SAMD3: variants seen among roughly 807,000 people sequenced by gnomAD.
The protein encoded by SAMD3 is sterile alpha motif domain-containing protein 3.
Under a neutral mutation model 58.5 loss-of-function variants are expected in SAMD3, and 63 were observed. That is an observed-to-expected ratio of 1.08 (90% CI 0.88 to 1.33). The LOEUF (loss-of-function observed/expected upper bound fraction) is 1.33, where lower values mean the gene tolerates loss of function less well. SAMD3 is among the 40% of genes most tolerant of loss of function. The pLI, the probability that SAMD3 is intolerant of heterozygous loss-of-function variation, is 0.00. For missense variants in SAMD3, 604 were observed against 608.4 expected, an observed-to-expected ratio of 0.99 and a Z score of 0.08; for synonymous variants, 220 against 210.3, an observed-to-expected ratio of 1.05 and a Z score of -0.40.
intron 2 of SAMD3, among the ~76,000 whole-genome samples, chr6:130,250,091 G>A (rs951391327): frequency 2.0e-4 from 30 of 152,146 alleles, no homozygotes; most frequent in African/African-American, 6.8e-4. Context: ...AGATAGCTCT[G>A]CAACAGTTAC....
At chr6:130,175,199 A>T (rs1333219742) in intron 8 of SAMD3, among the ~76,000 whole-genome samples, 1 of 152,150 alleles carries the variant, frequency 6.6e-6, no homozygotes, top group Non-Finnish European at 1.5e-5. Flanking sequence ...ATAGCAGGGG[A>T]AATTTTTGTT....
chr6:130,232,743 A>T (rs556192393), intron 2 of SAMD3, among the ~76,000 whole-genome samples: 2,854 of 152,344 alleles, frequency 0.019, 77 homozygotes, highest in African/African-American at 0.064. Flanking sequence ...TCACAAAAAA[A>T]CAATTAGCAA....
At chr6:130,252,127 G>A (rs1773759276) in intron 2 of SAMD3, among the ~76,000 whole-genome samples, 1 of 151,786 alleles carries the variant, frequency 6.6e-6, no homozygotes, top group Admixed American at 6.6e-5. Flanking sequence ...TTGACATTTT[G>A]ACCCTTTCAT....
chr6:130,184,489 C>T lies in SAMD3; in HGVS notation c.518G>A (p.Arg173Lys), dbSNP rs764126923. The T allele has an allele frequency of 6.2e-7, 1 of 1,614,162 alleles. No individual in the cohort carries two copies. The highest frequency in any genetic ancestry group is 1.1e-5 in the South Asian group (1 of 91,078). The change falls in exon 6 of 12, where the codon AGG becomes AAG. Residue 173 changes from arginine to lysine, a missense_variant. By Grantham distance (26) the Arg-to-Lys change is conservative. Transcript: ENST00000439090. ...QKCPDHSMRI[R>K]IIEFLQADMT... ...GTCGGCCTGGAGAAACTCAATGATC[C>T]TTATCCTCATGCTGTGATCCGGGCA...
intron 8 of SAMD3, among the ~76,000 whole-genome samples, chr6:130,158,933 CTGAT>C (rs1790041414): frequency 1.3e-5 from 2 of 152,142 alleles, no homozygotes; most frequent in South Asian, 2.1e-4. Context: ...ATGCAAATGT[CTGAT>C]TGGTTGTGGG....
At chr6:130,311,765 G>A (rs1776175486) in intron 2 of SAMD3, among the ~76,000 whole-genome samples, 3 of 152,116 alleles carry the variant, frequency 2.0e-5, no homozygotes, top group Admixed American at 2.0e-4. Flanking sequence ...CAAATGAGAT[G>A]GACTGGAGCA....
chr6:130,365,257 T>C, exon 1 of SAMD3: 1 of 985,498 alleles, frequency 1.0e-6, no homozygotes, highest in Non-Finnish European at 1.2e-6. Flanking sequence ...TCGTTGGCTT[T>C]GATGTTTGGA....
chr6:130,351,297 G>A (rs1333956610), intron 1 of SAMD3, among the ~76,000 whole-genome samples: 4 of 152,072 alleles, frequency 2.6e-5, no homozygotes, highest in African/African-American at 7.2e-5. Flanking sequence ...GCAACCTACA[G>A]AATGGGAGAA....
intron 2 of SAMD3, among the ~76,000 whole-genome samples, chr6:130,273,654 T>A (rs62431252): frequency 0.12 from 18,056 of 151,676 alleles, 1,466 homozygotes; most frequent in East Asian, 0.35. Context: ...CTTTTTTGTA[T>A]CTTCTGTATG....
intron 1 of SAMD3, among the ~76,000 whole-genome samples, chr6:130,357,467 C>A (rs760283921): frequency 1.6e-4 from 24 of 152,170 alleles, no homozygotes; most frequent in Admixed American, 7.2e-4. Flanking sequence ...CTTCAATCAT[C>A]CAGCAAAATT....
intron 2 of SAMD3, among the ~76,000 whole-genome samples, chr6:130,243,615 A>T (rs1316811099): frequency 1.3e-5 from 2 of 152,238 alleles, no homozygotes; most frequent in Non-Finnish European, 2.9e-5. Context: ...TTAAGTACAG[A>T]ACTAAAATTT....
At position 130,144,691 on chromosome 6, in the gene SAMD3, T is replaced by A. The variant is rs111513742; in HGVS notation, c.1392A>T (p.Thr464=). 177 of 1,613,972 alleles carry A rather than the reference T, an allele frequency of 1.1e-4. No homozygotes were observed. Among genetic ancestry groups the A allele is most frequent in the Non-Finnish European group, 1.5e-4 (173 of 1,180,022 alleles). ...ERLTKVDDCV[T]ALAALVAAFH... ...AGGCAGCTACTAGCGCAGCCAAGGCTGTAACACAGTCGTCCACCTTTGTGA... is the reference window on the plus strand; with the variant it reads ...AGGCAGCTACTAGCGCAGCCAAGGCAGTAACACAGTCGTCCACCTTTGTGA... Residue 464 remains threonine, a synonymous_variant, in exon 12 of 12, where the codon ACA becomes ACT. Coordinates refer to ENST00000439090, the MANE Select transcript of SAMD3 (RefSeq NM_001017373.4).
Position 130,324,403 on chromosome 6 carries a change from G to A in SAMD3, c.-303-11310C>T, listed in dbSNP as rs561196232. ...TTGATTTTGCTGTTAAGAAATGTTT[G>A]TGAAGAATATTCTTGACAGTCTATA... On this transcript the variant is annotated intron_variant, in intron 1 of 13. Transcript: ENST00000368134. Among the ~76,000 whole-genome samples the A allele has an allele frequency of 9.7e-4, 147 of 152,294 alleles. 1 individual carries two copies. The highest frequency in any genetic ancestry group is 3.3e-3 in the African/African-American group (137 of 41,556).
At chr6:130,340,681 A>G (rs1284074927) in intron 1 of SAMD3, among the ~76,000 whole-genome samples, 3 of 152,244 alleles carry the variant, frequency 2.0e-5, no homozygotes, top group Non-Finnish European at 4.4e-5. Flanking sequence ...TCATCTTTTA[A>G]TTCTACAAAA....
At chr6:130,184,277 A>T in intron 6 of SAMD3, 90 bp from the exon 7 acceptor site, 1 of 1,239,712 alleles carries the variant, frequency 8.1e-7, no homozygotes, top group South Asian at 1.5e-5. Context: ...ATTTTTCTTC[A>T]CATTTTTCTA....
intron 2 of SAMD3, among the ~76,000 whole-genome samples, chr6:130,257,887 A>T (rs1365680575): frequency 6.6e-6 from 1 of 152,068 alleles, no homozygotes; most frequent in Non-Finnish European, 1.5e-5. Flanking sequence ...GTATTTCCAT[A>T]GATTAGTTTT....
At chr6:130,291,089 T>G (rs1775346039) in intron 2 of SAMD3, among the ~76,000 whole-genome samples, 1 of 151,898 alleles carries the variant, frequency 6.6e-6, no homozygotes, top group Non-Finnish European at 1.5e-5. Context: ...ACAACTGACT[T>G]TATTTATTTA....
rs574918506 is a variant in SAMD3 at position 130,163,477 on chromosome 6, T to C, written c.823-8452A>G. Among the ~76,000 whole-genome samples the C allele has an allele frequency of 4.6e-5, 7 of 152,344 alleles. No individual in the cohort carries two copies. The South Asian group carries it at 1.4e-3, about 32-fold the overall frequency. ...TAGCTTAGCTTAGCATTCAGGCATG[T>C]GTCTCAGTCAATCAGCAGGCAGAGT... On this transcript the variant is annotated intron_variant, in intron 8 of 11. Transcript: ENST00000439090.
chr6:130,241,263 T>C (rs1215154597), intron 2 of SAMD3, among the ~76,000 whole-genome samples: 1 of 140,440 alleles, frequency 7.1e-6, no homozygotes, highest in African/African-American at 2.7e-5. Flanking sequence ...CAGGCTGGAG[T>C]GCAATGGCGC....
Sources: gnomAD v4.1 joint callset for allele counts (sites outside exome capture counted in the v4.1 genomes callset) on GRCh38, gnomAD v4.1.1 for gene constraint, MANE v1.5 for transcripts, NCBI Gene and HGNC (gene_info 2026-07-23, HGNC 2026-07-21) for gene names.